The following THSD7B variants were observed in gnomAD, a reference collection of about 807,000 sequenced individuals.
The protein encoded by THSD7B is thrombospondin type-1 domain-containing protein 7B.
THSD7B carries 138 observed loss-of-function variants against 213.6 expected under a neutral mutation model. The observed-to-expected ratio is 0.65, with a 90% CI of 0.56 to 0.74. The LOEUF (loss-of-function observed/expected upper bound fraction) is 0.74. Ranked by LOEUF, THSD7B falls within the 30% of genes least tolerant of loss-of-function variation. The pLI, the probability that THSD7B is intolerant of heterozygous loss-of-function variation, is 0.00. For synonymous variants in THSD7B, 742 were observed against 687.0 expected (o/e 1.08, Z -1.25); for missense variants, 1,931 against 1,991.5 (o/e 0.97, Z 0.58).
chr2:136,871,873 A>G lies in THSD7B; in HGVS notation c.-35-10271A>G, dbSNP rs1161077218. ...TCCTTCTATGCAATTGCCATCATAA[A>G]TGAAGCACCCCTTTCTTCACTGAAA... On this transcript the variant is annotated intron_variant, in intron 1 of 27. Transcript: ENST00000409968. Among the ~76,000 whole-genome samples, 4 of 152,194 alleles carry G rather than the reference A, an allele frequency of 2.6e-5. No homozygotes were observed. The East Asian group carries it at 5.8e-4, about 22-fold the overall frequency.
intron 1 of THSD7B, among the ~76,000 whole-genome samples, chr2:136,780,892 C>G (rs934248840): frequency 1.3e-5 from 2 of 152,124 alleles, no homozygotes; most frequent in Non-Finnish European, 2.9e-5. Context: ...ACACTTCCAC[C>G]CATAATTAAA....
chr2:137,315,359 C>G (rs1345721815), intron 12 of THSD7B, among the ~76,000 whole-genome samples: 1 of 152,192 alleles, frequency 6.6e-6, no homozygotes, highest in Non-Finnish European at 1.5e-5. Context: ...CCTCGCCCTG[C>G]TTCGGCTCAT....
chr2:137,019,865 TA>T (rs1686410775), intron 2 of THSD7B, among the ~76,000 whole-genome samples: 2 of 152,272 alleles, frequency 1.3e-5, no homozygotes, highest in South Asian at 4.2e-4. Context: ...GTTTTAGAGA[TA>T]GAAATAAATA....
chr2:137,453,184 T>C (rs1384932991), intron 15 of THSD7B, among the ~76,000 whole-genome samples: 2 of 152,036 alleles, frequency 1.3e-5, no homozygotes, highest in Non-Finnish European at 2.9e-5. Context: ...TAAAAAAAAG[T>C]TTATTTATTG....
chr2:137,314,592 A>G (rs1684033372), intron 12 of THSD7B, among the ~76,000 whole-genome samples: 1 of 152,180 alleles, frequency 6.6e-6, no homozygotes, highest in South Asian at 2.1e-4. Context: ...TCTGCTTTTT[A>G]GAGTTTCCAG....
chr2:137,077,046 A>C (rs947560137), intron 3 of THSD7B, among the ~76,000 whole-genome samples: 2 of 128,578 alleles, frequency 1.6e-5, no homozygotes, highest in South Asian at 5.0e-4. Context: ...TCATTGTTCA[A>C]CTCCCACCTA....
At chr2:137,060,291 A>G (rs917863214) in intron 3 of THSD7B, among the ~76,000 whole-genome samples, 3 of 151,898 alleles carry the variant, frequency 2.0e-5, no homozygotes, top group African/African-American at 7.3e-5. Context: ...TTTTGCAAAT[A>G]TTTTTGACAG....
At chr2:137,017,332 G>T (rs927309127) in intron 2 of THSD7B, among the ~76,000 whole-genome samples, 9 of 151,166 alleles carry the variant, frequency 6.0e-5, no homozygotes, top group Admixed American at 2.0e-4. Context: ...AGTTAATTTT[G>T]GTGGTTAGGG....
intron 2 of THSD7B, among the ~76,000 whole-genome samples, chr2:136,890,514 T>TTCG (rs1491340401): frequency 1.6e-5 from 1 of 62,516 alleles, no homozygotes; most frequent in Admixed American, 2.2e-4. Context: ...TTTCTTCTTC[T>TTCG]TCTTTCTTCT....
At chr2:136,865,060 G>A (rs1050354843) in intron 1 of THSD7B, among the ~76,000 whole-genome samples, 4 of 152,156 alleles carry the variant, frequency 2.6e-5, no homozygotes, top group African/African-American at 9.7e-5. Context: ...TTACAGTACT[G>A]GATTATTTCT....
At chr2:137,150,919 G>A (rs921084328) in intron 5 of THSD7B, among the ~76,000 whole-genome samples, 1 of 152,092 alleles carries the variant, frequency 6.6e-6, no homozygotes, top group African/African-American at 2.4e-5. Context: ...ACATAGAAAA[G>A]ATACAGTAAA....
At chr2:136,946,008 A>T (rs1005120140) in intron 2 of THSD7B, among the ~76,000 whole-genome samples, 3 of 152,132 alleles carry the variant, frequency 2.0e-5, no homozygotes, top group Non-Finnish European at 4.4e-5. Context: ...TGTTGCTGGC[A>T]AGGAGCTGCA....
chr2:137,486,885 G>A (rs1001409632), intron 15 of THSD7B, among the ~76,000 whole-genome samples: 1 of 152,116 alleles, frequency 6.6e-6, no homozygotes, highest in African/African-American at 2.4e-5. Flanking sequence ...ACCTGCTCCT[G>A]AATGACTACT....
intron 1 of THSD7B, among the ~76,000 whole-genome samples, chr2:136,850,847 T>C (rs139404816): frequency 1.8e-4 from 27 of 152,188 alleles, no homozygotes; most frequent in African/African-American, 6.3e-4. Context: ...TTTGGAAGTA[T>C]ATCCTTTAAT....
rs369405726 is a variant in THSD7B at position 137,315,710 on chromosome 2, G to C, written c.2500+39684G>C. Among the ~76,000 whole-genome samples the C allele has an allele frequency of 2.4e-4, 36 of 152,140 alleles. 1 individual carries two copies. In the East Asian group the frequency reaches 6.6e-3, roughly 28 times the overall value. On this transcript the variant is annotated intron_variant, in intron 12 of 27. Coordinates refer to ENST00000409968, the MANE Select transcript of THSD7B (RefSeq NM_001316349.2). ...TTAAATTTAATTACTGTGTTTAGAT[G>C]GAATATATTTAGGAGGGGAATTGCA... is the stretch of plus-strand genomic sequence containing the variant.
At chr2:136,781,512 T>G (rs1220500011) in intron 1 of THSD7B, among the ~76,000 whole-genome samples, 2 of 151,896 alleles carry the variant, frequency 1.3e-5, no homozygotes, top group African/African-American at 4.8e-5. Flanking sequence ...CCTCAGATGA[T>G]CTGCCCTTCT....
intron 14 of THSD7B, among the ~76,000 whole-genome samples, chr2:137,431,362 A>ATAT (rs1687182593): frequency 6.6e-6 from 1 of 152,224 alleles, no homozygotes; most frequent in Non-Finnish European, 1.5e-5. Context: ...TTCTTCTGAA[A>ATAT]TCTTATAGTG....
chr2:137,497,617 GT>G (rs1037322425), intron 15 of THSD7B, among the ~76,000 whole-genome samples: 2 of 150,348 alleles, frequency 1.3e-5, no homozygotes, highest in Middle Eastern at 3.4e-3. Flanking sequence ...GTGTGTGTGT[GT>G]TATGTGTGTG....
intron 12 of THSD7B, among the ~76,000 whole-genome samples, chr2:137,336,149 A>G (rs1684635529): frequency 6.6e-6 from 1 of 152,206 alleles, no homozygotes. Context: ...GTTAATTATG[A>G]GGATTAGATC....
Sources: allele counts gnomAD v4.1 joint callset (sites outside exome capture counted in the v4.1 genomes callset), GRCh38; gene constraint gnomAD v4.1.1; transcripts MANE v1.5; gene names NCBI Gene and HGNC (gene_info 2026-07-23, HGNC 2026-07-21).